The following ATF2 variants were observed in gnomAD, a reference collection of about 807,000 sequenced individuals.
ATF2 encodes cyclic AMP-dependent transcription factor ATF-2.
A neutral mutation model predicts 60.6 loss-of-function variants in ATF2; 24 were observed. The ratio of observed to expected loss-of-function variants is 0.40; its 90% CI spans 0.29 to 0.56. The LOEUF (loss-of-function observed/expected upper bound fraction) is 0.56, where lower values mean the gene tolerates loss of function less well. Ranked by LOEUF, ATF2 falls within the 20% of genes least tolerant of loss-of-function variation. The pLI is 0.54. For missense variants in ATF2, 433 were observed against 607.7 expected (o/e 0.71, Z 3.02); for synonymous variants, 206 against 215.4 (o/e 0.96, Z 0.38).
At chr2:175,129,581 T>C (rs1697586179) in intron 4 of ATF2, among the ~76,000 whole-genome samples, 1 of 152,114 alleles carries the variant, frequency 6.6e-6, no homozygotes, top group African/African-American at 2.4e-5. Flanking sequence ...TCTTTAATTC[T>C]TCCTGTCTAT....
At chr2:175,108,214 C>T (rs907056546) in intron 10 of ATF2, among the ~76,000 whole-genome samples, 1 of 151,544 alleles carries the variant, frequency 6.6e-6, no homozygotes, top group Non-Finnish European at 1.5e-5. Context: ...CCCCGCCGCC[C>T]GGCAGCCGCC....
At chr2:175,118,162 G>C in intron 6 of ATF2, 44 bp from the exon 7 acceptor site, 1 of 1,597,496 alleles carries the variant, frequency 6.3e-7, no homozygotes, top group Non-Finnish European at 8.5e-7. Context: ...TTCAAAAACA[G>C]TGTGTCTAAA....
intron 3 of ATF2, among the ~76,000 whole-genome samples, chr2:175,135,570 A>G (rs1256445256): frequency 6.6e-6 from 1 of 152,240 alleles, no homozygotes; most frequent in Non-Finnish European, 1.5e-5. Context: ...AAGTTAGAAC[A>G]AATGACCTGG....
At chr2:175,147,055 T>A (rs1699009801) in intron 2 of ATF2, among the ~76,000 whole-genome samples, 1 of 152,212 alleles carries the variant, frequency 6.6e-6, no homozygotes, top group Non-Finnish European at 1.5e-5. Context: ...CATTCTGCAC[T>A]GCAAGGTTAA....
At chr2:175,114,324 C>T (rs1263024390) in intron 8 of ATF2, 2 of 1,291,424 alleles carry the variant, frequency 1.5e-6, no homozygotes, top group Non-Finnish European at 9.8e-7. Flanking sequence ...TATGGATTTA[C>T]TTAGGACAAT....
intron 9 of ATF2, among the ~76,000 whole-genome samples, chr2:175,112,513 A>C (rs1414272609): frequency 6.6e-6 from 1 of 152,238 alleles, no homozygotes; most frequent in Non-Finnish European, 1.5e-5. Context: ...CATTAATCCT[A>C]GTAATATTCT....
At chr2:175,075,145 T>G in intron 13 of ATF2, 17 of 1,046,416 alleles carry the variant, frequency 1.6e-5, no homozygotes, top group Non-Finnish European at 2.0e-5. Flanking sequence ...CTCTTACAGA[T>G]ACAATCAAAC....
intron 2 of ATF2, among the ~76,000 whole-genome samples, chr2:175,146,125 G>T (rs988519451): frequency 6.6e-6 from 1 of 152,084 alleles, no homozygotes; most frequent in African/African-American, 2.4e-5. Flanking sequence ...TAATAGTCAT[G>T]CCAAAGATAT....
intron 13 of ATF2, among the ~76,000 whole-genome samples, chr2:175,079,550 G>T (rs1693622657): frequency 6.6e-6 from 1 of 152,056 alleles, no homozygotes; most frequent in Admixed American, 6.6e-5. Flanking sequence ...AAATAAGCAA[G>T]ATTTATATGC....
chr2:175,142,092 G>T (rs567013993), intron 2 of ATF2, among the ~76,000 whole-genome samples: 1 of 152,040 alleles, frequency 6.6e-6, no homozygotes, highest in Admixed American at 6.6e-5. Context: ...ATAGACATAA[G>T]AGGATCCTAT....
intron 1 of ATF2, among the ~76,000 whole-genome samples, chr2:175,157,418 T>C (rs1399433118): frequency 6.6e-6 from 1 of 152,140 alleles, no homozygotes; most frequent in African/African-American, 2.4e-5. Flanking sequence ...CCCTCTCGAT[T>C]GGGCAAGAAG....
At chr2:175,150,138 C>G (rs948300704) in intron 2 of ATF2, among the ~76,000 whole-genome samples, 2 of 152,132 alleles carry the variant, frequency 1.3e-5, no homozygotes, top group Non-Finnish European at 2.9e-5. Flanking sequence ...CAAGTGTTAT[C>G]ACCCATTCTG....
Position 175,097,583 on chromosome 2 carries a change from G to A in ATF2, c.839C>T (p.Ala280Val). ...TGGAGGATGTTGCTGGGTCAAAGCA[G>A]CTTTTAATCTCTGCAATGCAAACAC... ...VQSEAKMRLK[A>V]ALTQQHPPVT... is the part of the protein sequence containing the mutation. The change falls in exon 11 of 14, where the codon GCT (alanine) becomes GTT (valine). Residue 280 changes from alanine to valine, a missense_variant. Around this residue, in one of 5 missense-constraint regions of ATF2, gnomAD observed 246 missense variants for 309.3 expected, o/e 0.80. Transcript: ENST00000264110. 1.2e-6 allele frequency: 2 copies of A among 1,613,852 alleles called. No individual in the cohort carries two copies. Among genetic ancestry groups the A allele is most frequent in the Non-Finnish European group, 1.7e-6 (2 of 1,179,920 alleles).
At chr2:175,105,320 C>T (rs560622170) in intron 10 of ATF2, among the ~76,000 whole-genome samples, 6 of 145,548 alleles carry the variant, frequency 4.1e-5, no homozygotes, top group African/African-American at 1.0e-4. Flanking sequence ...GCCCCCCCCC[C>T]AAAAAAATAT....
chr2:175,121,600 G>T, intron 4 of ATF2, 60 bp from the exon 5 acceptor site: 1 of 1,287,322 alleles, frequency 7.8e-7, no homozygotes, highest in Non-Finnish European at 1.1e-6. Context: ...TAAGTAAAAT[G>T]ATTAGGAAAT....
chr2:175,156,828 C>T (rs1285375186), intron 1 of ATF2, among the ~76,000 whole-genome samples: 1 of 152,208 alleles, frequency 6.6e-6, no homozygotes, highest in East Asian at 1.9e-4. Flanking sequence ...AACTGTGAGA[C>T]AATAAATCTT....
At chr2:175,150,576 A>G (rs377261368) in intron 2 of ATF2, among the ~76,000 whole-genome samples, 2 of 152,300 alleles carry the variant, frequency 1.3e-5, no homozygotes, top group South Asian at 2.1e-4. Context: ...TCAGCATGAG[A>G]CAACTGTGGT....
intron 12 of ATF2, among the ~76,000 whole-genome samples, chr2:175,083,194 T>C (rs1344103170): frequency 6.6e-6 from 1 of 151,826 alleles, no homozygotes; most frequent in East Asian, 1.9e-4. Context: ...GCCAAGTCAA[T>C]CCTAAGCCAA....
chr2:175,102,579 G>A (rs570786637), intron 10 of ATF2, among the ~76,000 whole-genome samples: 1 of 152,000 alleles, frequency 6.6e-6, no homozygotes, highest in Admixed American at 6.6e-5. Context: ...CACCAGCCTG[G>A]GCAATATGGT....
Sources: allele counts gnomAD v4.1 joint callset (sites outside exome capture counted in the v4.1 genomes callset), GRCh38; gene constraint gnomAD v4.1.1; regional missense constraint gnomAD v4.1.1; transcripts MANE v1.5; gene names NCBI Gene and HGNC (gene_info 2026-07-23, HGNC 2026-07-21).